Variants in SLC12A9 observed in about 807,000 individuals in gnomAD.
SLC12A9 encodes solute carrier family 12 member 9.
A neutral mutation model predicts 66.0 loss-of-function variants in SLC12A9; 55 were observed. The ratio of observed to expected loss-of-function variants is 0.83; its 90% CI spans 0.67 to 1.04. The LOEUF (loss-of-function observed/expected upper bound fraction) is 1.04. Ranked by LOEUF, SLC12A9 falls within the 50% of genes least tolerant of loss-of-function variation. The probability of loss-of-function intolerance (pLI) is 0.00; values close to 1 mark genes in which losing one functional copy is unlikely to be tolerated. For missense variants in SLC12A9, 1,061 were observed against 1,241.9 expected, an observed-to-expected ratio of 0.85 and a Z score of 2.19; for synonymous variants, 577 against 569.0, an observed-to-expected ratio of 1.01 and a Z score of -0.20.
In SLC12A9 at chr7:100,863,873, GA is replaced by G. The variant is rs368415737; in HGVS notation, c.1858+1047del. Among the ~76,000 whole-genome samples the G allele has an allele frequency of 3.4e-3, 521 of 152,316 alleles. 4 individuals are homozygous for G. The highest frequency in any genetic ancestry group is 0.012 in the African/African-American group (505 of 41,574). ...AATCAGAACCCTGGGAAATACTGAG[GA>G]GGGGGCATGACTAGTTTATTTTGCA... On this transcript the variant is annotated intron_variant, in intron 13 of 13. Coordinates refer to ENST00000354161, the MANE Select transcript of SLC12A9 (RefSeq NM_020246.4).
intron 9 of SLC12A9, chr7:100,860,853 C>G: frequency 1.7e-5 from 8 of 483,288 alleles, no homozygotes; most frequent in South Asian, 1.1e-4. Context: ...TACACTGGCA[C>G]TTTCTGGGGT....
At chr7:100,826,961 C>CA (rs760689869) in exon 1 of SLC12A9, 1 of 1,528,714 alleles carries the variant, frequency 6.5e-7, no homozygotes, top group Admixed American at 1.9e-5. Context: ...GTGCGCCCCC[C>CA]CCCGCAAGGA....
chr7:100,828,819 G>A (rs1584672634), intron 1 of SLC12A9, among the ~76,000 whole-genome samples: 1 of 152,086 alleles, frequency 6.6e-6, no homozygotes, highest in South Asian at 2.1e-4. Context: ...TCAGTTAGCG[G>A]GGAGGGTCCA....
At position 100,866,350 on chromosome 7, in the gene SLC12A9, A is replaced by G. The variant is rs1363425849; in HGVS notation, c.2490A>G (p.Ala830=). The change falls in exon 14 of 14, where the codon GCA becomes GCG. Residue 830 remains alanine, a synonymous_variant. Transcript: ENST00000354161. This position sits in a 1 kb window ranked among gnomAD's most constrained non-coding sequence, Gnocchi z 7.3. The part of the protein sequence containing the change: ...FVNSGRGDAE[A]EALARSANAL... ...ACAGTGGGCGGGGAGACGCAGAGGC[A>G]GAGGCCCTGGCACGCAGCGCCAACG... 6.6e-7 allele frequency: 1 copy of G among 1,510,170 alleles called. No homozygotes were observed. The highest frequency in any genetic ancestry group is 8.9e-7 in the Non-Finnish European group (1 of 1,125,826). 93.5% of individuals were successfully genotyped at this position (1,510,170 alleles called of 1,614,324 possible).
chr7:100,834,187 C>T (rs1173069205), intron 1 of SLC12A9, among the ~76,000 whole-genome samples: 1 of 152,034 alleles, frequency 6.6e-6, no homozygotes, highest in African/African-American at 2.4e-5. Flanking sequence ...TGAATGAGTC[C>T]TAGAGATTGG....
chr7:100,836,030 G>C (rs1460993671), intron 1 of SLC12A9, among the ~76,000 whole-genome samples: 2 of 152,156 alleles, frequency 1.3e-5, no homozygotes, highest in Non-Finnish European at 2.9e-5. Context: ...GTCCCAGCAG[G>C]GGGAAGTCTT....
rs1451041995 is a variant in SLC12A9, at chr7:100,858,829, T to C, written c.758-6T>C. The C allele has an allele frequency of 6.2e-7, 1 of 1,614,028 alleles. No homozygotes were observed. The highest frequency in any genetic ancestry group is 1.7e-5 in the Admixed American group (1 of 60,020). On this transcript the variant is annotated splice_region_variant and splice_polypyrimidine_tract_variant and intron_variant, in intron 5 of 13. Coordinates refer to ENST00000354161, the MANE Select transcript of SLC12A9 (RefSeq NM_020246.4). Reference sequence around the variant, plus strand: ...TGCACTCTCCTCCCTGGGAGGATCCTCCTAGCTGGCTATGCTGAGGACTAC... The same window carrying C: ...TGCACTCTCCTCCCTGGGAGGATCCCCCTAGCTGGCTATGCTGAGGACTAC...
rs967381208 is a variant in SLC12A9, at chr7:100,866,479, G to A, written c.2619G>A (p.Leu873=). 3.9e-6 allele frequency: 6 copies of A among 1,552,014 alleles called. No homozygotes were observed. The African/African-American group carries it at 6.8e-5, about 18-fold the overall frequency. The change falls in exon 14 of 14, where the codon TTG becomes TTA. Residue 873 remains leucine (L), a synonymous_variant. Coordinates refer to ENST00000354161, the MANE Select transcript of SLC12A9 (RefSeq NM_020246.4). This position sits in a 1 kb window ranked among gnomAD's most constrained non-coding sequence, Gnocchi z 7.3. Reference sequence around the variant, plus strand: ...TCACAGCCCTCACCTTCCTGTACTTGCCTCGGCCGCCAGCCGATCCCGCCC... The same window carrying A: ...TCACAGCCCTCACCTTCCTGTACTTACCTCGGCCGCCAGCCGATCCCGCCC... ...GPITALTFLY[L]PRPPADPARY...
Position 100,866,941 on chromosome 7 carries a change from G to C in SLC12A9, c.*336G>C, listed in dbSNP as rs755486574. ...TTTGGCCAGACTCACCGGCCCACTG[G>C]GGTGGTGATGTTTTCGTTCTGTTTT... On this transcript the variant is annotated 3_prime_UTR_variant, in exon 14 of 14. Coordinates refer to ENST00000354161, the MANE Select transcript of SLC12A9 (RefSeq NM_020246.4). The surrounding 1 kb of genome is among the most constrained non-coding windows in gnomAD (Gnocchi z 7.3). 9.4e-6 allele frequency: 3 copies of C among 318,202 alleles called. No individual in the cohort carries two copies. The highest frequency in any genetic ancestry group is 2.1e-5 in the African/African-American group (1 of 46,614). The allele number at this position is 318,202 out of a possible 1,614,324, so 19.7% of individuals were successfully genotyped here.
intron 7 of SLC12A9, 128 bp downstream of exon 7, chr7:100,859,289 G>A (rs532886857): frequency 7.1e-6 from 6 of 847,188 alleles, no homozygotes; most frequent in African/African-American, 5.0e-5. Flanking sequence ...GGCTACCGGC[G>A]ATTGACAACC....
intron 1 of SLC12A9, among the ~76,000 whole-genome samples, chr7:100,843,266 G>A (rs1813825914): frequency 6.6e-6 from 1 of 152,214 alleles, no homozygotes; most frequent in Admixed American, 6.5e-5. Flanking sequence ...TGACTCTCAT[G>A]TCTATTTAGA....
intron 5 of SLC12A9, chr7:100,858,132 C>T (rs1814508027): frequency 6.6e-6 from 1 of 151,794 alleles, no homozygotes; most frequent in Admixed American, 6.6e-5. Flanking sequence ...AATAAATAGG[C>T]TGGGTGCGGT....
intron 13 of SLC12A9, chr7:100,865,222 T>C: frequency 2.0e-6 from 3 of 1,529,634 alleles, no homozygotes; most frequent in Admixed American, 2.0e-5. Flanking sequence ...CTTCCCAAGA[T>C]GCTGCGATTA....
chr7:100,848,997 T>G (rs543514466), upstream of SLC12A9, among the ~76,000 whole-genome samples: 3 of 151,954 alleles, frequency 2.0e-5, no homozygotes, highest in East Asian at 1.9e-4. Flanking sequence ...TTTGTTTTTT[T>G]TTTTTTGAGA....
chr7:100,854,826 A>T, intron 3 of SLC12A9, 72 bp downstream of exon 3: 1 of 1,571,468 alleles, frequency 6.4e-7, no homozygotes, highest in South Asian at 1.1e-5. Flanking sequence ...AGGGGCCATT[A>T]CCTTTGTTGG....
At chr7:100,851,890 T>C (rs1011980458), upstream of SLC12A9, among the ~76,000 whole-genome samples, 1 of 151,634 alleles carries the variant, frequency 6.6e-6, no homozygotes, top group Non-Finnish European at 1.5e-5. Context: ...GAGTGGCTAA[T>C]TTAATGCAGT....
At position 100,854,267 on chromosome 7, in the gene SLC12A9, A is replaced by G; in HGVS notation, c.70A>G (p.Asn24Asp). The change falls in exon 2 of 14, where the codon AAT becomes GAT. Residue 24 changes from asparagine (N) to aspartate (D), a missense_variant. By Grantham distance (23) the Asn-to-Asp change is conservative. Coordinates refer to ENST00000354161, the MANE Select transcript of SLC12A9 (RefSeq NM_020246.4). ...LGEEGVALPANGAGGPGGASA... is the reference protein window; with the variant it reads ...LGEEGVALPADGAGGPGGASA... ...GGAGGAGGGGGTTGCCCTCCCTGCC[A>G]ATGGGGCCGGGGGTCCTGGAGGGGC... The G allele has an allele frequency of 6.3e-7, 1 of 1,582,588 alleles. No individual in the cohort carries two copies. Among genetic ancestry groups the G allele is most frequent in the South Asian group, 1.2e-5 (1 of 84,850 alleles).
chr7:100,856,931 G>T lies in SLC12A9; in HGVS notation c.512G>T (p.Gly171Val). Residue 171 changes from glycine to valine, a missense_variant, in exon 5 of 14, where the codon GGC (glycine) becomes GTC (valine). Gly to Val is a moderately radical substitution (Grantham distance 109). Coordinates refer to ENST00000354161, the MANE Select transcript of SLC12A9 (RefSeq NM_020246.4). ...GGCTACGGCTGGAACCTGCTGTATG[G>T]CTCCCTGCTGCTGGGCCTTGTGGGT... is the stretch of plus-strand genomic sequence containing the variant. ...PQGYGWNLLY[G>V]SLLLGLVGGV... is the part of the protein sequence containing the mutation. The T allele has an allele frequency of 1.2e-6, 2 of 1,612,510 alleles. No homozygotes were observed. Among genetic ancestry groups the T allele is most frequent in the South Asian group, 1.1e-5 (1 of 91,082 alleles).
At chr7:100,855,892 T>C in intron 4 of SLC12A9, 55 bp downstream of exon 4, 1 of 1,522,690 alleles carries the variant, frequency 6.6e-7, no homozygotes, top group Non-Finnish European at 8.8e-7. Context: ...TCTGGGAGTG[T>C]GGGATCATGA....
Sources: allele counts gnomAD v4.1 joint callset (sites outside exome capture counted in the v4.1 genomes callset), GRCh38; gene constraint gnomAD v4.1.1; non-coding constraint Gnocchi (gnomAD v3.1); transcripts MANE v1.5; gene names NCBI Gene and HGNC (gene_info 2026-07-23, HGNC 2026-07-21).